Variants in SORCS3 observed in about 807,000 individuals in gnomAD.
The protein encoded by SORCS3 is VPS10 domain-containing receptor SorCS3.
SORCS3 carries 57 observed loss-of-function variants against 146.3 expected under a neutral mutation model. The ratio of observed to expected loss-of-function variants is 0.39; its 90% CI spans 0.31 to 0.49. The LOEUF is 0.49. SORCS3 is among the 20% of genes least tolerant of loss of function. The pLI is 0.92. For missense variants in SORCS3, 1,341 were observed against 1,575.5 expected, an observed-to-expected ratio of 0.85 and a Z score of 2.52; for synonymous variants, 653 against 618.5, an observed-to-expected ratio of 1.06 and a Z score of -0.83.
At chr10:104,963,867 T>C (rs72815682) in intron 3 of SORCS3, among the ~76,000 whole-genome samples, 126 of 152,320 alleles carry the variant, frequency 8.3e-4, no homozygotes, top group Non-Finnish European at 1.4e-3. Flanking sequence ...ATTAGAAACA[T>C]TGAGATGAAT....
At chr10:105,176,498 A>G (rs1385324876) in intron 13 of SORCS3, among the ~76,000 whole-genome samples, 2 of 152,042 alleles carry the variant, frequency 1.3e-5, no homozygotes, top group Non-Finnish European at 2.9e-5. Flanking sequence ...GGCTGCAATG[A>G]GCTATGATCA....
intron 6 of SORCS3, among the ~76,000 whole-genome samples, chr10:105,097,898 A>G (rs1291126882): frequency 1.3e-5 from 2 of 152,202 alleles, no homozygotes; most frequent in Admixed American, 1.3e-4. Flanking sequence ...TAGACATTCT[A>G]GAAATGTGCA....
chr10:105,252,434 T>C (rs565210216), intron 22 of SORCS3, among the ~76,000 whole-genome samples: 25 of 152,330 alleles, frequency 1.6e-4, no homozygotes, highest in Middle Eastern at 6.8e-3. Context: ...CAGCCTGTGT[T>C]TCAGCCAGAA....
At chr10:105,209,933 G>A (rs1018424172) in intron 16 of SORCS3, among the ~76,000 whole-genome samples, 12 of 152,040 alleles carry the variant, frequency 7.9e-5, no homozygotes, top group African/African-American at 2.9e-4. Context: ...AGTCATGTTT[G>A]GGGTATGCTG....
At chr10:104,736,750 T>A (rs2016778051) in intron 1 of SORCS3, among the ~76,000 whole-genome samples, 2 of 147,226 alleles carry the variant, frequency 1.4e-5, no homozygotes. Context: ...TTTGACTTCT[T>A]CTTTTCTTTC....
intron 4 of SORCS3, among the ~76,000 whole-genome samples, chr10:105,027,215 C>G (rs1377916942): frequency 6.6e-6 from 1 of 152,130 alleles, no homozygotes; most frequent in African/African-American, 2.4e-5. Context: ...CTTTCATTTC[C>G]TTCAGGTTTC....
intron 4 of SORCS3, among the ~76,000 whole-genome samples, chr10:105,031,805 G>T (rs1015533520): frequency 6.6e-6 from 1 of 152,100 alleles, no homozygotes; most frequent in Non-Finnish European, 1.5e-5. Context: ...TTTCCTTATT[G>T]TTCAGTCTTC....
intron 3 of SORCS3, among the ~76,000 whole-genome samples, chr10:104,936,004 C>T (rs1409160940): frequency 2.0e-5 from 3 of 152,044 alleles, no homozygotes; most frequent in African/African-American, 7.2e-5. Flanking sequence ...CTAGAAAGTC[C>T]CTTGGGAAAC....
chr10:105,038,675 G>A (rs756953374), intron 4 of SORCS3, among the ~76,000 whole-genome samples: 32 of 151,948 alleles, frequency 2.1e-4, no homozygotes, highest in Non-Finnish European at 3.7e-4. Flanking sequence ...ATTCAGAGGC[G>A]ACCACTGCTA....
chr10:104,974,392 A>C (rs2054881250), intron 3 of SORCS3, among the ~76,000 whole-genome samples: 1 of 152,128 alleles, frequency 6.6e-6, no homozygotes, highest in African/African-American at 2.4e-5. Context: ...TATTGGGTGC[A>C]TGTATATTTA....
In SORCS3 at chr10:105,262,362, G is replaced by A. The variant is rs142308746; in HGVS notation, c.3475G>A (p.Val1159Ile). ...KIPWINIYAQ[V>I]QHDKEQEMIG... ...CCCTTGGATTAACATCTATGCTCAA[G>A]TCCAACACGACAAGGAGCAGGAGAT... Residue 1159 changes from valine to isoleucine, a missense_variant, in exon 26 of 27, where the codon GTC becomes ATC. Physicochemically the swap from Val to Ile is conservative, Grantham distance 29. Coordinates refer to ENST00000369701, the MANE Select transcript of SORCS3 (RefSeq NM_014978.3). 1 of 1,613,892 alleles carries A rather than the reference G, an allele frequency of 6.2e-7. No individual in the cohort carries two copies. The highest frequency in any genetic ancestry group is 8.5e-7 in the Non-Finnish European group (1 of 1,179,876).
At chr10:104,917,456 T>A (rs1330997460) in intron 3 of SORCS3, among the ~76,000 whole-genome samples, 1 of 152,230 alleles carries the variant, frequency 6.6e-6, no homozygotes, top group Non-Finnish European at 1.5e-5. Context: ...ATCTAGCTAA[T>A]TAACAAATGC....
chr10:104,866,135 G>A (rs567705372), intron 2 of SORCS3, among the ~76,000 whole-genome samples: 21 of 152,300 alleles, frequency 1.4e-4, no homozygotes, highest in Non-Finnish European at 2.8e-4. Flanking sequence ...GAAGCGAAGT[G>A]ACGTTTGACT....
rs534500230 is a variant in SORCS3 at position 105,115,304 on chromosome 10, A to T, written c.1212+9789A>T. Among the ~76,000 whole-genome samples, 63 of 152,322 alleles carry T rather than the reference A, an allele frequency of 4.1e-4. 1 individual carries two copies. The highest frequency in any genetic ancestry group is 1.4e-3 in the African/African-American group (60 of 41,578). ...GTTGTGAGGATCAAGGGAGATAATA[A>T]TGGCTTTGAAATGCTTTGAACGCTA... On this transcript the variant is annotated intron_variant, in intron 7 of 26. Transcript: ENST00000369701.
chr10:105,223,191 T>C lies in SORCS3; in HGVS notation c.2810T>C (p.Val937Ala). Residue 937 changes from valine (V) to alanine (A), a missense_variant, in exon 20 of 27, where the codon GTG becomes GCG. Transcript: ENST00000369701. ...RNKEVNISAV[V>A]WPSQLGTLTY... is the part of the protein sequence containing the mutation. ...AAGGAGGTCAACATCAGTGCAGTCG[T>C]GTGGCCCAGTCAACTGGGGACCCTT... The C allele has an allele frequency of 6.2e-7, 1 of 1,613,526 alleles. No homozygotes were observed. The highest frequency in any genetic ancestry group is 8.5e-7 in the Non-Finnish European group (1 of 1,179,512).
chr10:104,974,596 C>T (rs1182052484), intron 3 of SORCS3, among the ~76,000 whole-genome samples: 1 of 152,074 alleles, frequency 6.6e-6, no homozygotes, highest in African/African-American at 2.4e-5. Flanking sequence ...TGTCTCTACA[C>T]GTGAGATGGG....
chr10:105,218,849 A>G (rs887425348), intron 19 of SORCS3, among the ~76,000 whole-genome samples: 2 of 152,088 alleles, frequency 1.3e-5, no homozygotes, highest in Non-Finnish European at 2.9e-5. Context: ...ACCCGTCTCT[A>G]CTAGAAATAC....
intron 3 of SORCS3, among the ~76,000 whole-genome samples, chr10:104,970,482 G>C (rs551783324): frequency 6.6e-6 from 1 of 152,128 alleles, no homozygotes; most frequent in Non-Finnish European, 1.5e-5. Flanking sequence ...AACTCTGCGA[G>C]CACCACAGAT....
chr10:104,983,857 G>A (rs866216074), intron 4 of SORCS3, among the ~76,000 whole-genome samples: 1 of 151,802 alleles, frequency 6.6e-6, no homozygotes, highest in Non-Finnish European at 1.5e-5. Context: ...CACTCACTGT[G>A]GTATGAAGGC....
Sources: gnomAD v4.1 joint callset for allele counts (sites outside exome capture counted in the v4.1 genomes callset) on GRCh38, gnomAD v4.1.1 for gene constraint, MANE v1.5 for transcripts, NCBI Gene and HGNC (gene_info 2026-07-23, HGNC 2026-07-21) for gene names.